PEAK1: variants seen among roughly 807,000 people sequenced by gnomAD.
PEAK1 encodes pseudopodium enriched atypical kinase 1.
Under a neutral mutation model 124.7 loss-of-function variants are expected in PEAK1, and 54 were observed. The observed-to-expected ratio is 0.43, with a 90% CI of 0.35 to 0.54. The LOEUF is 0.54. Ranked by LOEUF, PEAK1 falls within the 20% of genes least tolerant of loss-of-function variation. PEAK1 has a pLI of 0.01. For missense variants in PEAK1, 2,046 were observed against 2,134.5 expected (o/e 0.96, Z 0.82); for synonymous variants, 719 against 760.0 (o/e 0.95, Z 0.89).
chr15:77,404,025 G>A (rs2071596558), intron 1 of PEAK1: 1 of 978,868 alleles, frequency 1.0e-6, no homozygotes, highest in Non-Finnish European at 1.2e-6. Context: ...GTACCTGGTA[G>A]TTAAAAACAG....
intron 1 of PEAK1, among the ~76,000 whole-genome samples, chr15:77,415,655 T>G (rs1329291912): frequency 6.6e-6 from 1 of 152,228 alleles, no homozygotes; most frequent in East Asian, 1.9e-4. Flanking sequence ...CAACTCTTCC[T>G]TCCTGCCCTG....
intron 2 of PEAK1, among the ~76,000 whole-genome samples, chr15:77,306,228 G>C (rs1385744616): frequency 6.6e-6 from 1 of 152,090 alleles, no homozygotes; most frequent in East Asian, 1.9e-4. Context: ...GATGATGGAG[G>C]AAGACTAATT....
intron 2 of PEAK1, among the ~76,000 whole-genome samples, chr15:77,302,737 T>C (rs2063854737): frequency 6.6e-6 from 1 of 152,166 alleles, no homozygotes; most frequent in South Asian, 2.1e-4. Context: ...TTTTGCCACA[T>C]TTTGCATTCC....
intron 6 of PEAK1, among the ~76,000 whole-genome samples, chr15:77,220,720 T>C (rs2059349601): frequency 6.6e-6 from 1 of 152,110 alleles, no homozygotes; most frequent in South Asian, 2.1e-4. Context: ...ATATGTTCAA[T>C]GATTAATCTA....
At chr15:77,401,408 T>TC in intron 1 of PEAK1, 2 of 712,988 alleles carry the variant, frequency 2.8e-6, no homozygotes, top group Non-Finnish European at 3.4e-6. Context: ...TAAGAATACT[T>TC]TTTCTTGTTC....
chr15:77,154,565 A>G (rs2054952540), intron 8 of PEAK1, among the ~76,000 whole-genome samples: 1 of 152,158 alleles, frequency 6.6e-6, no homozygotes. Context: ...TAGTTGATGC[A>G]GTTTCTTCCT....
At chr15:77,412,452 G>A (rs941161475) in intron 1 of PEAK1, among the ~76,000 whole-genome samples, 4 of 152,090 alleles carry the variant, frequency 2.6e-5, no homozygotes, top group African/African-American at 9.7e-5. Flanking sequence ...CAAAAACCTT[G>A]GAGTGATCCA....
At chr15:77,392,166 G>C (rs2070519373) in intron 1 of PEAK1, among the ~76,000 whole-genome samples, 1 of 152,132 alleles carries the variant, frequency 6.6e-6, no homozygotes, top group South Asian at 2.1e-4. Flanking sequence ...CACAAAGAAG[G>C]CATGCAGAAA....
chr15:77,333,121 A>T, intron 2 of PEAK1: 2 of 981,112 alleles, frequency 2.0e-6, no homozygotes, highest in South Asian at 9.4e-5. Flanking sequence ...TTGATACATA[A>T]TTTTTTGTGC....
chr15:77,360,636 A>G (rs2067829301), intron 2 of PEAK1, among the ~76,000 whole-genome samples: 1 of 152,140 alleles, frequency 6.6e-6, no homozygotes, highest in Admixed American at 6.5e-5. Flanking sequence ...ACTCTTCTTT[A>G]TAGGTGGGTT....
chr15:77,163,862 C>T (rs2055874812), intron 7 of PEAK1, among the ~76,000 whole-genome samples: 1 of 152,188 alleles, frequency 6.6e-6, no homozygotes, highest in Non-Finnish European at 1.5e-5. Flanking sequence ...ACTTTTAAAA[C>T]CTCCTTTTAC....
chr15:77,321,819 A>G (rs983837612), intron 2 of PEAK1, among the ~76,000 whole-genome samples: 3 of 152,110 alleles, frequency 2.0e-5, no homozygotes, highest in Admixed American at 6.6e-5. Context: ...AATCCATCTC[A>G]AATTAACTTT....
At chr15:77,409,418 G>C (rs1310247724) in intron 1 of PEAK1, among the ~76,000 whole-genome samples, 1 of 152,156 alleles carries the variant, frequency 6.6e-6, no homozygotes, top group Non-Finnish European at 1.5e-5. Flanking sequence ...GAAAGAAAGT[G>C]ATTTTCCCAA....
chr15:77,336,366 G>C, intron 2 of PEAK1: 1 of 985,396 alleles, frequency 1.0e-6, no homozygotes, highest in Non-Finnish European at 1.2e-6. Context: ...TCATTATAGA[G>C]ACGTTTACTA....
At chr15:77,270,093 AT>A (rs2061952743) in intron 5 of PEAK1, among the ~76,000 whole-genome samples, 1 of 152,148 alleles carries the variant, frequency 6.6e-6, no homozygotes, top group African/African-American at 2.4e-5. Context: ...TATGTGGTCA[AT>A]TTTGGAATAA....
At chr15:77,389,004 C>T (rs1223909486) in intron 1 of PEAK1, among the ~76,000 whole-genome samples, 1 of 149,686 alleles carries the variant, frequency 6.7e-6, no homozygotes, top group East Asian at 1.9e-4. Context: ...GCTCTGTCGC[C>T]CAGGCTGGAG....
At chr15:77,174,642 C>T (rs1328274106) in intron 7 of PEAK1, among the ~76,000 whole-genome samples, 3 of 152,168 alleles carry the variant, frequency 2.0e-5, no homozygotes, top group African/African-American at 7.2e-5. Context: ...AATGTGAAAA[C>T]TCCAATGTGC....
chr15:77,308,332 C>A (rs75850863), intron 2 of PEAK1, among the ~76,000 whole-genome samples: 399 of 152,196 alleles, frequency 2.6e-3, no homozygotes, highest in African/African-American at 9.3e-3. Context: ...CAGGAAGCAT[C>A]TATTAGTCCA....
Position 77,222,844 on chromosome 15 carries a change from G to A in PEAK1, c.-115+29523C>T, listed in dbSNP as rs531249842. Among the ~76,000 whole-genome samples the A allele has an allele frequency of 2.0e-4, 30 of 152,094 alleles. 1 individual carries two copies. In the South Asian group the frequency reaches 2.9e-3, roughly 15 times the overall value. ...ATAGTTCAAAATGGCAAAATAAAGCGCAAACAGATTTAATCTTACAGGCAA... is the reference window on the plus strand; with the variant it reads ...ATAGTTCAAAATGGCAAAATAAAGCACAAACAGATTTAATCTTACAGGCAA... On this transcript the variant is annotated intron_variant, in intron 6 of 9. Transcript: ENST00000682557.
Sources: allele counts gnomAD v4.1 joint callset (sites outside exome capture counted in the v4.1 genomes callset), GRCh38; gene constraint gnomAD v4.1.1; transcripts MANE v1.5; gene names NCBI Gene and HGNC (gene_info 2026-07-23, HGNC 2026-07-21).